Variants in PHF10 observed in about 807,000 individuals in gnomAD.
PHF10 encodes the protein BRG1-associated factor 45a.
A neutral mutation model predicts 68.5 loss-of-function variants in PHF10; 51 were observed. The observed-to-expected ratio is 0.74, with a 90% CI of 0.59 to 0.94. The LOEUF is 0.94. PHF10 is among the 40% of genes least tolerant of loss of function. PHF10 has a pLI of 0.00. For synonymous variants in PHF10, 204 were observed against 203.5 expected (o/e 1.00, Z -0.02); for missense variants, 460 against 602.6 (o/e 0.76, Z 2.48).
At chr6:169,716,120 A>T in intron 4 of PHF10, 32 bp from the exon 5 acceptor site, 1 of 1,458,440 alleles carries the variant, frequency 6.9e-7, no homozygotes, top group Non-Finnish European at 9.3e-7. Context: ...AAAAATAAAG[A>T]AGCTCTTTTA....
Position 169,721,103 on chromosome 6 carries a change from AT to A in PHF10, c.95del (p.Asn32MetfsTer43). On this transcript the variant is annotated frameshift_variant, in exon 2 of 12. Transcript: ENST00000339209. LOFTEE classifies it high-confidence loss of function. ...GGGTCCCATCATTTGAATTATCTTC[AT>A]TATCATCCTATACATTTAAAAGATT... ...TPGAQSPKDDNEDNSNDGTQP... is the reference protein window; with the variant it reads ...TPGAQSPKDDXEDNSNDGTQP... 6.7e-7 allele frequency: 1 copy of A among 1,488,392 alleles called. No individual in the cohort carries two copies. The highest frequency in any genetic ancestry group is 9.2e-7 in the Non-Finnish European group (1 of 1,090,788). The allele number at this position is 1,488,392 out of a possible 1,614,324, so 92.2% of individuals were successfully genotyped here.
Position 169,715,748 on chromosome 6 carries a change from C to T in PHF10, c.653G>A (p.Arg218His). 6.2e-7 allele frequency: 1 copy of T among 1,612,610 alleles called. No homozygotes were observed. The highest frequency in any genetic ancestry group is 8.5e-7 in the Non-Finnish European group (1 of 1,179,920). Residue 218 changes from arginine (R) to histidine (H), a missense_variant, in exon 6 of 12, where the codon CGC (arginine) becomes CAC (histidine). Around this residue, in one of 3 missense-constraint regions of PHF10, gnomAD observed 256 missense variants for 410.5 expected, o/e 0.62. Transcript: ENST00000339209. Reference sequence around the variant, plus strand: ...AAAATAAGCTCTTCTTTCTTCCATGCGTTCCCGGTTTAAGTTGCTATTAAA... The same window carrying T: ...AAAATAAGCTCTTCTTTCTTCCATGTGTTCCCGGTTTAAGTTGCTATTAAA... Reference protein sequence around the residue: ...AEFNSNLNRERMEERRAYFDL... With the variant: ...AEFNSNLNREHMEERRAYFDL...
chr6:169,715,632 T>C (rs756285130), intron 6 of PHF10, 76 bp downstream of exon 6: 22 of 1,207,336 alleles, frequency 1.8e-5, no homozygotes, highest in Non-Finnish European at 2.6e-5. Context: ...AAAATAACGA[T>C]AAAGGGGGTG....
intron 9 of PHF10, among the ~76,000 whole-genome samples, chr6:169,706,222 TA>T (rs977590754): frequency 1.5e-4 from 23 of 151,782 alleles, no homozygotes; most frequent in Admixed American, 1.3e-4. Flanking sequence ...TAGTGGTATT[TA>T]AAAAAAAATC....
At chr6:169,708,237 A>G (rs1788850808) in intron 9 of PHF10, 1 of 152,218 alleles carries the variant, frequency 6.6e-6, no homozygotes, top group African/African-American at 2.4e-5. Context: ...CTTTCATGGT[A>G]GCAATAATAT....
chr6:169,715,841 T>G lies in PHF10; in HGVS notation c.560A>C (p.Asn187Thr), dbSNP rs1254256072. 6.2e-7 allele frequency: 1 copy of G among 1,612,036 alleles called. No individual in the cohort carries two copies. Among genetic ancestry groups the G allele is most frequent in the Admixed American group, 1.7e-5 (1 of 59,662 alleles). ...YKEYSQMQQQ[N>T]TQKVEASKVP... ...TTTACTGGCTTCAACTTTCTGAGTATTCTGTTGTTGCATTTGCTGGAAAAA... is the reference window on the plus strand; with the variant it reads ...TTTACTGGCTTCAACTTTCTGAGTAGTCTGTTGTTGCATTTGCTGGAAAAA... The change falls in exon 6 of 12, where the codon AAT becomes ACT. Residue 187 changes from asparagine to threonine, a missense_variant. By Grantham distance (65) the Asn-to-Thr change is moderately conservative. This residue lies in a region of PHF10 where 256 missense variants were observed against 410.5 expected (regional missense o/e 0.62). Transcript: ENST00000339209.
At chr6:169,718,979 T>C in intron 2 of PHF10, 61 bp from the exon 3 acceptor site, 1 of 1,103,190 alleles carries the variant, frequency 9.1e-7, no homozygotes, top group Non-Finnish European at 1.3e-6. Flanking sequence ...TAATCACTTT[T>C]ATTGAGGATA....
In PHF10 at chr6:169,715,867, A is replaced by G. The variant is rs200558305; in HGVS notation, c.544-10T>C. The G allele has an allele frequency of 4.3e-5, 69 of 1,603,456 alleles. No homozygotes were observed. Among genetic ancestry groups the G allele is most frequent in the Middle Eastern group, 1.7e-4 (1 of 5,996 alleles). ...TCTGTTGTTGCATTTGCTGGAAAAA[A>G]AAAATACAGTTGGAAGTCACATATA... On this transcript the variant is annotated splice_polypyrimidine_tract_variant and intron_variant, in intron 5 of 11. Coordinates refer to ENST00000339209, the MANE Select transcript of PHF10 (RefSeq NM_018288.4).
chr6:169,712,631 G>C lies in PHF10; in HGVS notation c.804-92C>G, dbSNP rs978906077. 6 of 1,060,686 alleles carry C rather than the reference G, an allele frequency of 5.7e-6. No individual in the cohort carries two copies. The African/African-American group carries it at 9.8e-5, about 17-fold the overall frequency. The allele number at this position is 1,060,686 out of a possible 1,614,324, so 65.7% of individuals were successfully genotyped here. A position where few individuals can be genotyped will look rare whatever the true frequency, so the allele number is the denominator to read the frequency against. On this transcript the variant is annotated intron_variant, in intron 7 of 11. Coordinates refer to ENST00000339209, the MANE Select transcript of PHF10 (RefSeq NM_018288.4). ...CTATGAAGATAGCCTTAAACTTCTT[G>C]AGTAACCCCGAAGACTTTTGAAAAC...
Position 169,716,100 on chromosome 6 carries a change from C to CAAAAAATA in PHF10, c.410-20_410-13dup, listed in dbSNP as rs1789041246. 11 of 1,517,490 alleles carry CAAAAAATA rather than the reference C, an allele frequency of 7.2e-6. No individual in the cohort carries two copies. In the South Asian group the frequency reaches 1.4e-4, roughly 20 times the overall value. 94.0% of individuals were successfully genotyped at this position (1,517,490 alleles called of 1,614,324 possible). On this transcript the variant is annotated splice_polypyrimidine_tract_variant and intron_variant, in intron 4 of 11. Transcript: ENST00000339209. Reference sequence around the variant, plus strand: ...CAATGCTGTTAAGCCTATTTTAGACCAAAAAATAAAAAAATAAAGAAGCTC... The same window carrying CAAAAAATA: ...CAATGCTGTTAAGCCTATTTTAGACCAAAAAATAAAAAAATAAAAAAATAAAGAAGCTC...
intron 4 of PHF10, 174 bp downstream of exon 4, chr6:169,717,649 C>G: frequency 3.9e-6 from 2 of 514,582 alleles, no homozygotes; most frequent in Non-Finnish European, 6.9e-6. Context: ...TGTGTTCAAG[C>G]TTCATTCTCC....
intron 9 of PHF10, among the ~76,000 whole-genome samples, chr6:169,706,604 G>A (rs953116981): frequency 5.9e-5 from 9 of 151,926 alleles, no homozygotes; most frequent in Non-Finnish European, 8.8e-5. Flanking sequence ...CGAACGTCAC[G>A]GTCTTGACTG....
At chr6:169,712,170 G>GT (rs759260226) in intron 8 of PHF10, among the ~76,000 whole-genome samples, 4 of 152,068 alleles carry the variant, frequency 2.6e-5, no homozygotes, top group Non-Finnish European at 4.4e-5. Flanking sequence ...ACTGCTCATG[G>GT]TAACTACAAA....
At chr6:169,720,049 G>A (rs1345701072) in intron 2 of PHF10, among the ~76,000 whole-genome samples, 1 of 151,956 alleles carries the variant, frequency 6.6e-6, no homozygotes, top group Non-Finnish European at 1.5e-5. Flanking sequence ...AAATGGCCAA[G>A]CAGATGAAAA....
intron 1 of PHF10, among the ~76,000 whole-genome samples, chr6:169,721,440 G>GATC (rs764449026): frequency 1.3e-4 from 20 of 152,278 alleles, no homozygotes; most frequent in Non-Finnish European, 2.5e-4. Context: ...AAAATGTATG[G>GATC]ATCATTTACA....
intron 8 of PHF10, among the ~76,000 whole-genome samples, chr6:169,710,763 A>G (rs749020476): frequency 3.3e-5 from 5 of 152,188 alleles, no homozygotes; most frequent in Admixed American, 6.5e-5. Context: ...ATTGTTACAA[A>G]TAAGTGTGGG....
At position 169,718,819 on chromosome 6, in the gene PHF10, C is replaced by G; in HGVS notation, c.294G>C (p.Leu98Phe). ...ATTTCCTTTTAAAGGAGGTCACACC[C>G]AAATATTCACTGACTTGTTCTTGAA... ...YMLQEQVSEY[L>F]GVTSFKRKYP... is the part of the protein sequence containing the mutation. The change falls in exon 3 of 12, where the codon TTG becomes TTC. Residue 98 changes from leucine to phenylalanine, a missense_variant. Leu to Phe is a conservative substitution (Grantham distance 22). Transcript: ENST00000339209. 1 of 1,588,084 alleles carries G rather than the reference C, an allele frequency of 6.3e-7. No homozygotes were observed. Among genetic ancestry groups the G allele is most frequent in the Non-Finnish European group, 8.6e-7 (1 of 1,158,846 alleles).
chr6:169,714,522 G>A (rs1282714395), intron 7 of PHF10, among the ~76,000 whole-genome samples: 1 of 152,176 alleles, frequency 6.6e-6, no homozygotes, highest in African/African-American at 2.4e-5. Context: ...AATGGGCAGA[G>A]ACAGAGGCAT....
In PHF10 at chr6:169,715,709, T is replaced by C. The variant is rs1789031385; in HGVS notation, c.692A>G (p.His231Arg). Reference protein sequence around the residue: ...ERRAYFDLQTHVIQVPQGKYK... With the variant: ...ERRAYFDLQTRVIQVPQGKYK... ...GGTACTAAATTTAAGTTATCCTACATGTGTCTGCAAGTCAAAATAAGCTCT... is the reference window on the plus strand; with the variant it reads ...GGTACTAAATTTAAGTTATCCTACACGTGTCTGCAAGTCAAAATAAGCTCT... Residue 231 changes from histidine to arginine, a missense_variant and splice_region_variant, in exon 6 of 12, where the codon CAT (histidine) becomes CGT (arginine). Around this residue, in one of 3 missense-constraint regions of PHF10, gnomAD observed 256 missense variants for 410.5 expected, o/e 0.62. Coordinates refer to ENST00000339209, the MANE Select transcript of PHF10 (RefSeq NM_018288.4). 7.4e-6 allele frequency: 12 copies of C among 1,611,516 alleles called. No individual in the cohort carries two copies. Among genetic ancestry groups the C allele is most frequent in the Non-Finnish European group, 9.3e-6 (11 of 1,179,636 alleles).
Sources: allele counts gnomAD v4.1 joint callset (sites outside exome capture counted in the v4.1 genomes callset), GRCh38; gene constraint gnomAD v4.1.1; regional missense constraint gnomAD v4.1.1; transcripts MANE v1.5; gene names NCBI Gene and HGNC (gene_info 2026-07-23, HGNC 2026-07-21).